Variants in FBXL20 observed in about 807,000 individuals in gnomAD.
FBXL20 encodes F-box and leucine rich repeat protein 20, also known as F-box/LRR-repeat protein 20.
FBXL20 carries 11 observed loss-of-function variants against 64.0 expected under a neutral mutation model. The ratio of observed to expected loss-of-function variants is 0.17; its 90% CI spans 0.11 to 0.28. The LOEUF (loss-of-function observed/expected upper bound fraction) is 0.28. Among genes scored for constraint, FBXL20 ranks in the 10% least tolerant of loss-of-function variants. The pLI is 1.00. For missense variants in FBXL20, 303 were observed against 526.2 expected (o/e 0.58, Z 4.15); for synonymous variants, 184 against 189.0 (o/e 0.97, Z 0.22).
intron 7 of FBXL20, 28 bp from the exon 8 acceptor site, chr17:39,282,883 A>G (rs750218493): frequency 5.6e-6 from 9 of 1,613,012 alleles, no homozygotes; most frequent in African/African-American, 2.7e-5. Flanking sequence ...TAAGAGAAAC[A>G]TATCACTAAA....
intron 5 of FBXL20, 111 bp downstream of exon 5, chr17:39,298,879 G>A (rs1025619578): frequency 2.6e-6 from 2 of 784,216 alleles, no homozygotes; most frequent in South Asian, 3.1e-5. Context: ...TAAGCAATGT[G>A]TGGTTGCATT....
Position 39,261,220 on chromosome 17 carries a change from T to C in FBXL20, c.*240A>G, listed in dbSNP as rs2046742053. 2.3e-6 allele frequency: 1 copy of C among 426,790 alleles called. No individual in the cohort carries two copies. The highest frequency in any genetic ancestry group is 2.1e-5 in the African/African-American group (1 of 48,006). 26.4% of individuals were successfully genotyped at this position (426,790 alleles called of 1,614,324 possible). A position where few individuals can be genotyped will look rare whatever the true frequency, so the allele number is the denominator to read the frequency against. ...CACCTCAACAGGAATGGTTAAATTTTACCAATCTACTTGATAAAAAAGCCA... is the reference window on the plus strand; with the variant it reads ...CACCTCAACAGGAATGGTTAAATTTCACCAATCTACTTGATAAAAAAGCCA... On this transcript the variant is annotated 3_prime_UTR_variant, in exon 15 of 15. Coordinates refer to ENST00000264658, the MANE Select transcript of FBXL20 (RefSeq NM_032875.3).
At chr17:39,355,028 T>C (rs1014528778) in intron 1 of FBXL20, among the ~76,000 whole-genome samples, 5 of 152,198 alleles carry the variant, frequency 3.3e-5, no homozygotes, top group Admixed American at 2.6e-4. Flanking sequence ...GCCTCCCTGG[T>C]TCAAGTGATT....
intron 2 of FBXL20, among the ~76,000 whole-genome samples, chr17:39,339,165 C>CCA (rs2047557820): frequency 2.9e-5 from 2 of 68,030 alleles, no homozygotes; most frequent in South Asian, 6.3e-4. Flanking sequence ...GACCCTGTCT[C>CCA]AAAAAAAAAA....
rs187090626 is a variant in FBXL20 at position 39,323,279 on chromosome 17, T to C, written c.105-19640A>G. Among the ~76,000 whole-genome samples the C allele has an allele frequency of 2.3e-4, 35 of 152,230 alleles. No individual in the cohort carries two copies. In the East Asian group the frequency reaches 6.8e-3, roughly 29 times the overall value. On this transcript the variant is annotated intron_variant, in intron 2 of 14. Coordinates refer to ENST00000264658, the MANE Select transcript of FBXL20 (RefSeq NM_032875.3). ...CCACCACACCCAGCCTTAACCTCAT[T>C]AATTCACAGCTTTCCAGAAAAAGCC...
intron 1 of FBXL20, among the ~76,000 whole-genome samples, chr17:39,354,026 C>T (rs1325605786): frequency 6.6e-6 from 1 of 152,076 alleles, no homozygotes; most frequent in Non-Finnish European, 1.5e-5. Context: ...GTGTAATGTA[C>T]ATTTAAAAAC....
chr17:39,347,090 T>C (rs139638977), intron 1 of FBXL20, among the ~76,000 whole-genome samples: 8,057 of 152,250 alleles, frequency 0.053, 671 homozygotes, highest in African/African-American at 0.18. Flanking sequence ...CAGTCTGTCA[T>C]TGATGGACGT....
chr17:39,334,982 C>T (rs1316909932), intron 2 of FBXL20, among the ~76,000 whole-genome samples: 2 of 152,100 alleles, frequency 1.3e-5, no homozygotes, highest in East Asian at 1.9e-4. Flanking sequence ...TGTAAGAAAA[C>T]CCAATTCCCC....
chr17:39,362,114 C>T (rs1432044800), intron 1 of FBXL20, among the ~76,000 whole-genome samples: 5 of 151,186 alleles, frequency 3.3e-5, no homozygotes, highest in Admixed American at 6.6e-5. Context: ...GGTGAAACCT[C>T]GTCTCTACTA....
At chr17:39,347,232 T>C (rs1030142215) in intron 1 of FBXL20, among the ~76,000 whole-genome samples, 1 of 152,082 alleles carries the variant, frequency 6.6e-6, no homozygotes, top group African/African-American at 2.4e-5. Flanking sequence ...GGTCAAATGG[T>C]TATTTCTAGT....
chr17:39,371,234 G>A (rs537525675), intron 1 of FBXL20, among the ~76,000 whole-genome samples: 18 of 152,046 alleles, frequency 1.2e-4, no homozygotes, highest in Non-Finnish European at 2.1e-4. Context: ...TGTCATGCAT[G>A]ACTTTATGAG....
At chr17:39,306,279 T>C (rs2047182369) in intron 2 of FBXL20, among the ~76,000 whole-genome samples, 1 of 151,748 alleles carries the variant, frequency 6.6e-6, no homozygotes, top group South Asian at 2.1e-4. Context: ...GCCTTCCGAG[T>C]AGCTGGGATT....
intron 1 of FBXL20, among the ~76,000 whole-genome samples, chr17:39,388,938 A>G (rs2048109633): frequency 6.7e-6 from 1 of 150,248 alleles, no homozygotes; most frequent in Non-Finnish European, 1.5e-5. Context: ...CCCCATCTCT[A>G]CTAAAAATAC....
intron 1 of FBXL20, among the ~76,000 whole-genome samples, chr17:39,352,876 A>G (rs910843161): frequency 6.6e-6 from 1 of 152,068 alleles, no homozygotes; most frequent in Non-Finnish European, 1.5e-5. Context: ...AAAGAAGACT[A>G]TTTCTCTTGC....
At chr17:39,282,612 T>G in intron 8 of FBXL20, 117 bp downstream of exon 8, 1 of 1,351,392 alleles carries the variant, frequency 7.4e-7, no homozygotes, top group East Asian at 2.3e-5. Flanking sequence ...TTGTCTTTTG[T>G]CAATAATACA....
intron 6 of FBXL20, among the ~76,000 whole-genome samples, chr17:39,291,054 C>T (rs917185437): frequency 1.2e-4 from 18 of 151,858 alleles, no homozygotes; most frequent in Non-Finnish European, 2.4e-4. Flanking sequence ...CTCCGCCTCC[C>T]GGGTTCATGC....
chr17:39,386,402 G>C (rs989924061), intron 1 of FBXL20, among the ~76,000 whole-genome samples: 1 of 152,092 alleles, frequency 6.6e-6, no homozygotes, highest in African/African-American at 2.4e-5. Flanking sequence ...GCCAGGGCGG[G>C]GTGGATCACT....
At chr17:39,341,980 A>T (rs1029636729) in intron 2 of FBXL20, among the ~76,000 whole-genome samples, 4 of 152,174 alleles carry the variant, frequency 2.6e-5, no homozygotes, top group African/African-American at 9.7e-5. Context: ...AGGAAATGTT[A>T]TCTCTTGGAT....
chr17:39,265,414 G>A lies in FBXL20; in HGVS notation c.973C>T (p.Pro325Ser), dbSNP rs1211407975. 1.2e-6 allele frequency: 2 copies of A among 1,611,126 alleles called. No homozygotes were observed. Among genetic ancestry groups the A allele is most frequent in the Admixed American group, 1.7e-5 (1 of 59,928 alleles). The change falls in exon 13 of 15, where the codon CCT becomes TCT. Residue 325 changes from proline (P) to serine (S), a missense_variant. Around this residue, in one of 3 missense-constraint regions of FBXL20, gnomAD observed 246 missense variants for 422.6 expected, o/e 0.58. Transcript: ENST00000264658. ...STLIQLSIHC[P>S]RLQVLSLSHC... The stretch of plus-strand genomic sequence containing the variant: ...AAACTCACCAATACTTGAAGTCGAG[G>A]ACAGTGTATAGAAAGTTGGATTAAT...
Sources: gnomAD v4.1 joint callset for allele counts (sites outside exome capture counted in the v4.1 genomes callset) on GRCh38, gnomAD v4.1.1 for gene constraint, gnomAD v4.1.1 regional missense constraint, MANE v1.5 for transcripts, NCBI Gene and HGNC (gene_info 2026-07-23, HGNC 2026-07-21) for gene names.